The following FAT3 variants were observed in gnomAD, a reference collection of about 807,000 sequenced individuals.
The protein encoded by FAT3 is FAT atypical cadherin 3, also known as protocadherin Fat 3.
A neutral mutation model predicts 310.2 loss-of-function variants in FAT3; 95 were observed. The observed-to-expected ratio is 0.31, with a 90% CI of 0.26 to 0.36. The LOEUF (loss-of-function observed/expected upper bound fraction) is 0.36, where lower values mean the gene tolerates loss of function less well. FAT3 is among the 10% of genes least tolerant of loss of function. The pLI, the probability that FAT3 is intolerant of heterozygous loss-of-function variation, is 1.00. For missense variants in FAT3, 5,408 were observed against 5,715.6 expected, an observed-to-expected ratio of 0.95 and a Z score of 1.74; for synonymous variants, 2,314 against 2,192.9, an observed-to-expected ratio of 1.06 and a Z score of -1.54.
chr11:92,699,134 A>C (rs1944022067), intron 4 of FAT3, among the ~76,000 whole-genome samples: 1 of 152,236 alleles, frequency 6.6e-6, no homozygotes, highest in African/African-American at 2.4e-5. Context: ...CCTTGGACTA[A>C]CACAGATTGG....
At chr11:92,858,560 G>A (rs1226166937) in intron 20 of FAT3, among the ~76,000 whole-genome samples, 1 of 152,162 alleles carries the variant, frequency 6.6e-6, no homozygotes, top group Non-Finnish European at 1.5e-5. Flanking sequence ...AAAAAAAAGA[G>A]TAAACTCAGA....
At chr11:92,762,273 A>C in intron 5 of FAT3, 103 bp downstream of exon 5, 1 of 1,205,616 alleles carries the variant, frequency 8.3e-7, no homozygotes, top group Non-Finnish European at 1.1e-6. Flanking sequence ...GTAAAAAGTG[A>C]AGCCACACAG....
chr11:92,736,948 T>C (rs1945366526), intron 4 of FAT3, among the ~76,000 whole-genome samples: 1 of 152,166 alleles, frequency 6.6e-6, no homozygotes, highest in Admixed American at 6.5e-5. Context: ...TTACAGACAT[T>C]TGTTGCCATG....
chr11:92,703,579 A>G (rs527415996), intron 4 of FAT3, among the ~76,000 whole-genome samples: 1 of 152,306 alleles, frequency 6.6e-6, no homozygotes, highest in Admixed American at 6.5e-5. Flanking sequence ...ACACACAATT[A>G]ATGCCCTGTG....
chr11:92,409,193 T>C (rs1950198536), intron 2 of FAT3, among the ~76,000 whole-genome samples: 1 of 152,120 alleles, frequency 6.6e-6, no homozygotes, highest in Non-Finnish European at 1.5e-5. Flanking sequence ...TGTTAATAAA[T>C]GTCACCACAG....
At chr11:92,540,239 G>A (rs1954400193) in intron 3 of FAT3, among the ~76,000 whole-genome samples, 2 of 152,136 alleles carry the variant, frequency 1.3e-5, no homozygotes, top group Non-Finnish European at 2.9e-5. Context: ...TATTAGAATA[G>A]TAAGTAGGCT....
rs113823759 is a variant in FAT3, at chr11:92,646,159, A to G, written c.3608-51225A>G. 9.4e-3 allele frequency among the ~76,000 whole-genome samples: 1,437 copies of G among 152,292 alleles called. 19 individuals carry two copies. Among genetic ancestry groups the G allele is most frequent in the African/African-American group, 0.032 (1,318 of 41,564 alleles). On this transcript the variant is annotated intron_variant, in intron 3 of 27. Coordinates refer to ENST00000525166, the MANE Select transcript of FAT3 (RefSeq NM_001367949.2). Reference sequence around the variant, plus strand: ...GTTCCGGATGGCATTGATGGAGGTCACTTGGTGGTGGTCAGCTGGTTGATG... The same window carrying G: ...GTTCCGGATGGCATTGATGGAGGTCGCTTGGTGGTGGTCAGCTGGTTGATG...
chr11:92,748,661 A>G (rs1945741713), intron 4 of FAT3: 1 of 152,242 alleles, frequency 6.6e-6, no homozygotes, highest in African/African-American at 2.4e-5. Flanking sequence ...GAAGCATCAC[A>G]GAATGAGGAA....
intron 18 of FAT3, among the ~76,000 whole-genome samples, chr11:92,842,461 G>A (rs1206727475): frequency 6.6e-6 from 1 of 152,206 alleles, no homozygotes; most frequent in Non-Finnish European, 1.5e-5. Context: ...GCACTCCACA[G>A]TTTGACTTCA....
intron 4 of FAT3, among the ~76,000 whole-genome samples, chr11:92,754,604 G>A (rs1945932839): frequency 9.1e-6 from 1 of 110,374 alleles, no homozygotes; most frequent in Non-Finnish European, 1.7e-5. Flanking sequence ...CTCCAGCCTG[G>A]GCGACAGAGG....
chr11:92,830,626 C>T (rs1948219849), intron 13 of FAT3, among the ~76,000 whole-genome samples: 2 of 152,116 alleles, frequency 1.3e-5, no homozygotes, highest in Admixed American at 1.3e-4. Context: ...ATCTAACTTC[C>T]TGCTTGACAT....
chr11:92,569,157 G>A (rs1955582369), intron 3 of FAT3, among the ~76,000 whole-genome samples: 2 of 152,168 alleles, frequency 1.3e-5, no homozygotes, highest in Non-Finnish European at 2.9e-5. Context: ...GAGACCAGGT[G>A]TCAGTCAGCC....
chr11:92,346,018 A>C (rs192693128), intron 1 of FAT3, among the ~76,000 whole-genome samples: 22 of 152,310 alleles, frequency 1.4e-4, no homozygotes, highest in Admixed American at 1.3e-3. Flanking sequence ...TATCTTATAC[A>C]TTCTCTAGCT....
At chr11:92,281,521 C>T (rs1316654067) in intron 1 of FAT3, among the ~76,000 whole-genome samples, 1 of 152,100 alleles carries the variant, frequency 6.6e-6, no homozygotes, top group Non-Finnish European at 1.5e-5. Flanking sequence ...GTGCTTAACT[C>T]CAGTTGTGCA....
intron 3 of FAT3, among the ~76,000 whole-genome samples, chr11:92,628,665 T>A (rs1199206122): frequency 6.6e-6 from 1 of 152,232 alleles, no homozygotes; most frequent in African/African-American, 2.4e-5. Flanking sequence ...CAAAAGGCGG[T>A]GTTTCCATGG....
chr11:92,760,151 T>C (rs1383784793), intron 4 of FAT3, among the ~76,000 whole-genome samples: 1 of 152,234 alleles, frequency 6.6e-6, no homozygotes, highest in African/African-American at 2.4e-5. Flanking sequence ...GTGGTTCTTT[T>C]GTGAAACACA....
At chr11:92,774,622 G>A (rs993912549) in intron 7 of FAT3, among the ~76,000 whole-genome samples, 1 of 152,190 alleles carries the variant, frequency 6.6e-6, no homozygotes, top group Non-Finnish European at 1.5e-5. Context: ...GCTAAGTGAT[G>A]TATCCAAGGT....
At chr11:92,561,758 T>G (rs573960822) in intron 3 of FAT3, among the ~76,000 whole-genome samples, 7 of 152,116 alleles carry the variant, frequency 4.6e-5, no homozygotes, top group Non-Finnish European at 1.0e-4. Context: ...CCCAAGTATC[T>G]GGGATTGCAG....
chr11:92,891,039 G>C lies in FAT3; in HGVS notation c.13696G>C (p.Glu4566Gln), dbSNP rs372565490. Residue 4566 changes from glutamate to glutamine, a missense_variant, in exon 28 of 28, where the codon GAG becomes CAG. Glu to Gln is a conservative substitution (Grantham distance 29). This residue lies in a region of FAT3 where 649 missense variants were observed against 666.2 expected (regional missense o/e 0.97). Coordinates refer to ENST00000525166, the MANE Select transcript of FAT3 (RefSeq NM_001367949.2). ...DDSEVAMSDY[E>Q]SVGELSLASL... ...TTCCGAAGTAGCCATGAGTGACTACGAGAGCGTGGGAGAGCTCAGCCTCGC... is the reference window on the plus strand; with the variant it reads ...TTCCGAAGTAGCCATGAGTGACTACCAGAGCGTGGGAGAGCTCAGCCTCGC... The C allele has an allele frequency of 6.2e-7, 1 of 1,613,764 alleles. No individual in the cohort carries two copies.
Sources: gnomAD v4.1 joint callset for allele counts (sites outside exome capture counted in the v4.1 genomes callset) on GRCh38, gnomAD v4.1.1 for gene constraint, gnomAD v4.1.1 regional missense constraint, MANE v1.5 for transcripts, NCBI Gene and HGNC (gene_info 2026-07-23, HGNC 2026-07-21) for gene names.